Variants in LIPM observed in about 807,000 individuals in gnomAD.
LIPM encodes the protein lipase family member M.
In LIPM, 42 loss-of-function variants were observed where a neutral mutation model predicts 42.4. That is an observed-to-expected ratio of 0.99 (90% CI 0.77 to 1.28). The LOEUF is 1.28. Among genes scored for constraint, LIPM ranks in the 50% most tolerant of loss-of-function variants. LIPM has a pLI of 0.00. For missense variants in LIPM, 524 were observed against 520.1 expected (o/e 1.01, Z -0.07); for synonymous variants, 177 against 173.3 (o/e 1.02, Z -0.17).
intron 1 of LIPM, among the ~76,000 whole-genome samples, chr10:88,805,542 G>A (rs544521254): frequency 9.2e-5 from 14 of 152,324 alleles, no homozygotes; most frequent in Admixed American, 2.6e-4. Context: ...AATGTACTCT[G>A]CACCAAGAAC....
rs544203216 is a variant in LIPM at position 88,818,101 on chromosome 10, C to G, written c.1002+205C>G. Among the ~76,000 whole-genome samples, 6 of 152,260 alleles carry G rather than the reference C, an allele frequency of 3.9e-5. No homozygotes were observed. In the East Asian group the frequency reaches 7.7e-4, roughly 20 times the overall value. On this transcript the variant is annotated intron_variant, in intron 8 of 8. Transcript: ENST00000404743. ...TCTGCTTTTACAATGGAGTAGGAGG[C>G]CTTTTTAGCTGAGGCTGTCTCCCTA...
At chr10:88,817,927 T>G in intron 8 of LIPM, 31 bp downstream of exon 8, 1 of 1,479,826 alleles carries the variant, frequency 6.8e-7, no homozygotes, top group East Asian at 2.5e-5. Flanking sequence ...CTGCTGAAAA[T>G]ATATACATTG....
intron 6 of LIPM, among the ~76,000 whole-genome samples, chr10:88,816,234 C>T (rs1320156788): frequency 6.6e-6 from 1 of 152,156 alleles, no homozygotes; most frequent in Non-Finnish European, 1.5e-5. Flanking sequence ...ACAATTGGTG[C>T]AATCCTCAAA....
chr10:88,810,092 G>A (rs1843636126), intron 2 of LIPM, among the ~76,000 whole-genome samples: 1 of 152,326 alleles, frequency 6.6e-6, no homozygotes, highest in East Asian at 1.9e-4. Context: ...CCCCCAGTCA[G>A]AGTGTAAACT....
At chr10:88,811,815 C>A (rs1843660023) in intron 2 of LIPM, among the ~76,000 whole-genome samples, 1 of 152,138 alleles carries the variant, frequency 6.6e-6, no homozygotes. Context: ...ATACATCATG[C>A]CTATTTGCCC....
chr10:88,815,883 G>C (rs1589317032), intron 6 of LIPM, among the ~76,000 whole-genome samples: 1 of 152,140 alleles, frequency 6.6e-6, no homozygotes, highest in Non-Finnish European at 1.5e-5. Context: ...GGAACATCAG[G>C]GACCTTCATT....
At chr10:88,811,434 T>C (rs139868947) in intron 2 of LIPM, among the ~76,000 whole-genome samples, 1 of 152,338 alleles carries the variant, frequency 6.6e-6, no homozygotes, top group African/African-American at 2.4e-5. Context: ...ATGATTTGAT[T>C]TAATTCTCAC....
In LIPM at chr10:88,807,117, C is replaced by T. The variant is rs536333195; in HGVS notation, c.148-1181C>T. Among the ~76,000 whole-genome samples the T allele has an allele frequency of 3.3e-5, 5 of 152,262 alleles. No homozygotes were observed. In the South Asian group the frequency reaches 1.0e-3, roughly 32 times the overall value. ...GTGGTAGTTAATGCTTATTGAGTTC[C>T]TACTATGTGCTGGGAATTACAGTTA... is the stretch of plus-strand genomic sequence containing the variant. On this transcript the variant is annotated intron_variant, in intron 1 of 8. Transcript: ENST00000404743.
chr10:88,815,802 A>G (rs1843712404), intron 6 of LIPM, among the ~76,000 whole-genome samples: 1 of 152,198 alleles, frequency 6.6e-6, no homozygotes, highest in Non-Finnish European at 1.5e-5. Flanking sequence ...GACAACAGAG[A>G]CAACTGTCAT....
intron 1 of LIPM, among the ~76,000 whole-genome samples, chr10:88,804,513 G>A (rs1014961483): frequency 9.2e-5 from 14 of 152,280 alleles, no homozygotes; most frequent in African/African-American, 3.4e-4. Context: ...GAGAAGGGCA[G>A]GACTTACTTT....
At chr10:88,818,156 A>G (rs562413384) in intron 8 of LIPM, among the ~76,000 whole-genome samples, 1 of 152,324 alleles carries the variant, frequency 6.6e-6, no homozygotes, top group East Asian at 1.9e-4. Context: ...CAGGAGCAAG[A>G]TGAAGTAGAT....
intron 2 of LIPM, among the ~76,000 whole-genome samples, chr10:88,810,799 T>A (rs1056723314): frequency 2.6e-5 from 4 of 152,100 alleles, no homozygotes; most frequent in South Asian, 2.1e-4. Flanking sequence ...GTTAGGGGAA[T>A]CACAAGAACA....
chr10:88,814,685 G>A, intron 4 of LIPM, 46 bp downstream of exon 4: 1 of 1,378,272 alleles, frequency 7.3e-7, no homozygotes, highest in Non-Finnish European at 1.0e-6. Flanking sequence ...AGAAATGTGA[G>A]CATACGACAC....
chr10:88,815,541 T>G, intron 6 of LIPM, 38 bp downstream of exon 6: 1 of 1,544,282 alleles, frequency 6.5e-7, no homozygotes, highest in Non-Finnish European at 8.8e-7. Flanking sequence ...CATCCCAGCA[T>G]AAAGCTGGGA....
At chr10:88,808,086 G>C (rs1422655788) in intron 1 of LIPM, among the ~76,000 whole-genome samples, 1 of 152,146 alleles carries the variant, frequency 6.6e-6, no homozygotes, top group Non-Finnish European at 1.5e-5. Context: ...CATACTTTGA[G>C]AACCATAATT....
chr10:88,814,926 G>A (rs955485339), intron 4 of LIPM, among the ~76,000 whole-genome samples, 162 bp from the exon 5 acceptor site: 3 of 152,178 alleles, frequency 2.0e-5, no homozygotes, highest in Non-Finnish European at 4.4e-5. Flanking sequence ...CCTACTACTT[G>A]AAAGCAAATA....
chr10:88,809,102 A>C (rs1843623750), intron 2 of LIPM, among the ~76,000 whole-genome samples: 1 of 151,674 alleles, frequency 6.6e-6, no homozygotes, highest in Non-Finnish European at 1.5e-5. Flanking sequence ...TTACAGGCAT[A>C]CACCACCACA....
chr10:88,802,871 GA>G lies in LIPM; in HGVS notation c.-20del. On this transcript the variant is annotated 5_prime_UTR_variant, in exon 1 of 9. Coordinates refer to ENST00000404743, the MANE Select transcript of LIPM (RefSeq NM_001128215.1). ...TTAGAATTAGTTGTTACATTGGCAG[GA>G]AAAAATAAATGCAGATGTTGGACCA... 8 of 1,518,550 alleles carry G rather than the reference GA, an allele frequency of 5.3e-6. No individual in the cohort carries two copies. Among genetic ancestry groups the G allele is most frequent in the Non-Finnish European group, 7.1e-6 (8 of 1,133,934 alleles). 94.1% of individuals were successfully genotyped at this position (1,518,550 alleles called of 1,614,324 possible). A position where few individuals can be genotyped will look rare whatever the true frequency, so the allele number is the denominator to read the frequency against.
At chr10:88,806,204 G>A (rs574177936) in intron 1 of LIPM, among the ~76,000 whole-genome samples, 33 of 152,320 alleles carry the variant, frequency 2.2e-4, no homozygotes, top group Non-Finnish European at 3.2e-4. Flanking sequence ...TGTAGACAAT[G>A]TTTGCAGCAT....
Sources: gnomAD v4.1 joint callset for allele counts (sites outside exome capture counted in the v4.1 genomes callset) on GRCh38, gnomAD v4.1.1 for gene constraint, MANE v1.5 for transcripts, NCBI Gene and HGNC (gene_info 2026-07-23, HGNC 2026-07-21) for gene names.